The following WDSUB1 variants were observed in gnomAD, a reference collection of about 807,000 sequenced individuals.
The protein encoded by WDSUB1 is WD repeat, SAM and U-box domain-containing protein 1.
In WDSUB1, 49 loss-of-function variants were observed where a neutral mutation model predicts 53.9. The ratio of observed to expected loss-of-function variants is 0.91; its 90% CI spans 0.72 to 1.15. The LOEUF (loss-of-function observed/expected upper bound fraction) is 1.15, where lower values mean the gene tolerates loss of function less well. Among genes scored for constraint, WDSUB1 ranks in the 50% most tolerant of loss-of-function variants. The pLI, the probability that WDSUB1 is intolerant of heterozygous loss-of-function variation, is 0.00. For missense variants in WDSUB1, 514 were observed against 562.0 expected, an observed-to-expected ratio of 0.91 and a Z score of 0.86; for synonymous variants, 194 against 200.6, an observed-to-expected ratio of 0.97 and a Z score of 0.28.
At chr2:159,271,247 A>C (rs2061439074) in intron 5 of WDSUB1, among the ~76,000 whole-genome samples, 2 of 152,208 alleles carry the variant, frequency 1.3e-5, no homozygotes. Context: ...CAGGACATAC[A>C]ATATATTCAT....
intron 5 of WDSUB1, among the ~76,000 whole-genome samples, chr2:159,263,111 T>C (rs6432521): frequency 0.028 from 4,328 of 152,222 alleles, 194 homozygotes; most frequent in African/African-American, 0.094. Flanking sequence ...CAACAACACA[T>C]AGCTATGTGC....
intron 9 of WDSUB1, among the ~76,000 whole-genome samples, chr2:159,252,883 T>A (rs1266564289): frequency 1.3e-5 from 2 of 152,188 alleles, no homozygotes; most frequent in African/African-American, 4.8e-5. Flanking sequence ...TTGAAAAAAA[T>A]CTCGTTCCCA....
chr2:159,235,984 T>C lies in WDSUB1; in HGVS notation c.*49A>G, dbSNP rs1211639258. ...TGTCTGATTAGTATTTACCTATAAA[T>C]CATTCAAATGAGATCACTGAAAATA... On this transcript the variant is annotated 3_prime_UTR_variant, in exon 11 of 11. Transcript: ENST00000359774. The C allele has an allele frequency of 2.7e-6, 4 of 1,509,334 alleles. No individual in the cohort carries two copies. Among genetic ancestry groups the C allele is most frequent in the Non-Finnish European group, 3.6e-6 (4 of 1,125,786 alleles). 93.5% of individuals were successfully genotyped at this position (1,509,334 alleles called of 1,614,324 possible).
chr2:159,266,192 C>T (rs995590063), intron 5 of WDSUB1, among the ~76,000 whole-genome samples: 2 of 151,906 alleles, frequency 1.3e-5, no homozygotes, highest in Admixed American at 6.6e-5. Flanking sequence ...TGTCAAGGAA[C>T]CTTACTTTTT....
intron 5 of WDSUB1, among the ~76,000 whole-genome samples, chr2:159,265,263 G>A (rs920657007): frequency 1.0e-4 from 15 of 149,504 alleles, no homozygotes; most frequent in Non-Finnish European, 7.4e-5. Context: ...GTAATGGAGT[G>A]AGGCCTTATC....
At chr2:159,279,194 C>T (rs944981881) in intron 3 of WDSUB1, among the ~76,000 whole-genome samples, 3 of 152,088 alleles carry the variant, frequency 2.0e-5, no homozygotes, top group African/African-American at 2.4e-5. Context: ...TCCACTAACA[C>T]GGAAAATGAA....
At chr2:159,256,153 G>A in intron 9 of WDSUB1, 43 bp downstream of exon 9, 1 of 1,552,188 alleles carries the variant, frequency 6.4e-7, no homozygotes, top group African/African-American at 1.4e-5. Flanking sequence ...GAGTAATTTG[G>A]TAAAAGTTGT....
intron 4 of WDSUB1, among the ~76,000 whole-genome samples, chr2:159,275,307 C>T (rs907638319): frequency 6.6e-6 from 1 of 152,138 alleles, no homozygotes. Context: ...GAGTTGAAAT[C>T]AAGTGCAAAG....
chr2:159,244,259 GGAAA>G (rs984159858), intron 10 of WDSUB1, among the ~76,000 whole-genome samples: 16 of 151,944 alleles, frequency 1.1e-4, no homozygotes, highest in Admixed American at 6.6e-4. Flanking sequence ...CATACAAATT[GGAAA>G]GAAAGAAATT....
chr2:159,260,858 A>G (rs1170035762), intron 5 of WDSUB1, among the ~76,000 whole-genome samples: 4 of 152,226 alleles, frequency 2.6e-5, no homozygotes, highest in Non-Finnish European at 4.4e-5. Flanking sequence ...CACTCTGCAG[A>G]ACATTAATAT....
Position 159,266,644 on chromosome 2 carries a change from C to T in WDSUB1, c.770+5058G>A, listed in dbSNP as rs575065340. On this transcript the variant is annotated intron_variant, in intron 5 of 10. Transcript: ENST00000359774. ...TTCATCTCTAGCCACTTATATTCAT[C>T]TCTAGACACTAGTCTCCTATAGCTA... 3.3e-5 allele frequency among the ~76,000 whole-genome samples: 5 copies of T among 152,350 alleles called. No homozygotes were observed. The South Asian group carries it at 8.3e-4, about 25-fold the overall frequency.
intron 10 of WDSUB1, among the ~76,000 whole-genome samples, chr2:159,247,404 T>C (rs563272797): frequency 6.6e-6 from 1 of 152,274 alleles, no homozygotes; most frequent in South Asian, 2.1e-4. Context: ...AAAAAATTCA[T>C]TGCCTCCCTA....
At chr2:159,248,910 A>G (rs1482542998) in intron 9 of WDSUB1, among the ~76,000 whole-genome samples, 1 of 152,204 alleles carries the variant, frequency 6.6e-6, no homozygotes, top group African/African-American at 2.4e-5. Flanking sequence ...CCAGCCACAA[A>G]TAGAGATTTT....
intron 6 of WDSUB1, among the ~76,000 whole-genome samples, chr2:159,259,595 T>C (rs1235668256): frequency 6.6e-6 from 1 of 152,264 alleles, no homozygotes; most frequent in Non-Finnish European, 1.5e-5. Flanking sequence ...ACATTTAAAA[T>C]CTATCCATCT....
rs777292176 is a variant in WDSUB1 at position 159,282,964 on chromosome 2, G to T, written c.106C>A (p.Leu36Met). The change falls in exon 2 of 11, where the codon CTG becomes ATG. Residue 36 changes from leucine (L) to methionine (M), a missense_variant. By Grantham distance (15) the Leu-to-Met change is conservative. Transcript: ENST00000359774. ...TCAGTAAAGTCACGTAACGAGTACA[G>T]GCGAATTGTTTTGTCCAAGGAGCAA... is the stretch of plus-strand genomic sequence containing the variant. The part of the protein sequence containing the change: ...ATCSLDKTIR[L>M]YSLRDFTELP... 6.2e-7 allele frequency: 1 copy of T among 1,614,218 alleles called. No individual in the cohort carries two copies. Among genetic ancestry groups the T allele is most frequent in the South Asian group, 1.1e-5 (1 of 91,088 alleles).
chr2:159,255,063 G>C (rs139635913), intron 9 of WDSUB1, among the ~76,000 whole-genome samples: 2 of 152,096 alleles, frequency 1.3e-5, no homozygotes, highest in African/African-American at 4.8e-5. Flanking sequence ...CTGGGAGGTC[G>C]AGGCTGTAGT....
intron 5 of WDSUB1, among the ~76,000 whole-genome samples, chr2:159,268,267 T>C (rs2061382847): frequency 6.6e-6 from 1 of 152,246 alleles, no homozygotes; most frequent in Non-Finnish European, 1.5e-5. Context: ...TACTTCCTTT[T>C]CTATGCCCTA....
In WDSUB1 at chr2:159,252,040, C is replaced by T. The variant is rs1036833994; in HGVS notation, c.1133-3528G>A. 3.3e-5 allele frequency among the ~76,000 whole-genome samples: 5 copies of T among 152,124 alleles called. 1 individual carries two copies. Among genetic ancestry groups the T allele is most frequent in the Non-Finnish European group, 7.3e-5 (5 of 68,034 alleles). On this transcript the variant is annotated intron_variant, in intron 9 of 10. Coordinates refer to ENST00000359774, the MANE Select transcript of WDSUB1 (RefSeq NM_001128212.3). ...CCTGGAATTGAACAAGCACAGACCACCAAGCTGGTCACTGACTCACCTCTC... is the reference window on the plus strand; with the variant it reads ...CCTGGAATTGAACAAGCACAGACCATCAAGCTGGTCACTGACTCACCTCTC...
At chr2:159,273,343 A>G (rs1207888973) in intron 4 of WDSUB1, among the ~76,000 whole-genome samples, 1 of 152,206 alleles carries the variant, frequency 6.6e-6, no homozygotes, top group Admixed American at 6.5e-5. Context: ...TATAAGACCC[A>G]TATGTCTCTC....
Sources: gnomAD v4.1 joint callset for allele counts (sites outside exome capture counted in the v4.1 genomes callset) on GRCh38, gnomAD v4.1.1 for gene constraint, MANE v1.5 for transcripts, NCBI Gene and HGNC (gene_info 2026-07-23, HGNC 2026-07-21) for gene names.